The following ACOXL variants were observed in gnomAD, a reference collection of about 807,000 sequenced individuals.
The protein encoded by ACOXL is acyl-CoA oxidase like.
ACOXL carries 70 observed loss-of-function variants against 71.9 expected under a neutral mutation model. The ratio of observed to expected loss-of-function variants is 0.97; its 90% confidence interval spans 0.80 to 1.19. The LOEUF (loss-of-function observed/expected upper bound fraction) is 1.19, where lower values mean the gene tolerates loss of function less well. ACOXL is among the 50% of genes most tolerant of loss of function. ACOXL has a pLI of 0.00. For synonymous variants in ACOXL, 253 were observed against 281.6 expected (o/e 0.90, Z 1.02); for missense variants, 703 against 736.3 (o/e 0.95, Z 0.52).
chr2:110,788,314 T>C (rs1684238928), intron 3 of ACOXL, among the ~76,000 whole-genome samples: 1 of 152,172 alleles, frequency 6.6e-6, no homozygotes, highest in Non-Finnish European at 1.5e-5. Context: ...CCACAAAAAA[T>C]AGTGAAGTTC....
chr2:110,853,288 T>C (rs1692837970), intron 10 of ACOXL, among the ~76,000 whole-genome samples: 1 of 152,188 alleles, frequency 6.6e-6, no homozygotes, highest in South Asian at 2.1e-4. Context: ...CCAAAATGCT[T>C]GGTTCGGCTG....
intron 10 of ACOXL, among the ~76,000 whole-genome samples, chr2:110,885,778 G>A (rs10175204): frequency 0.32 from 48,989 of 151,976 alleles, 8,154 homozygotes; most frequent in Middle Eastern, 0.4. Flanking sequence ...CAAAAAACTT[G>A]GGTTGTCTGT....
intron 10 of ACOXL, among the ~76,000 whole-genome samples, chr2:110,871,801 A>C (rs1184274319): frequency 1.3e-5 from 2 of 152,174 alleles, no homozygotes. Flanking sequence ...TTTGGAGACC[A>C]ACACTCATAG....
At chr2:110,987,881 A>G (rs1298147348) in intron 13 of ACOXL, among the ~76,000 whole-genome samples, 1 of 152,138 alleles carries the variant, frequency 6.6e-6, no homozygotes, top group Non-Finnish European at 1.5e-5. Context: ...GATATTTTGC[A>G]TGATGCTGTT....
chr2:111,056,396 A>AC (rs2066540275), intron 16 of ACOXL, among the ~76,000 whole-genome samples: 1 of 151,684 alleles, frequency 6.6e-6, no homozygotes, highest in Non-Finnish European at 1.5e-5. Context: ...GCTCAAACCA[A>AC]CCCCCCAAAT....
chr2:110,773,714 C>T (rs1682269933), intron 2 of ACOXL, among the ~76,000 whole-genome samples: 1 of 152,218 alleles, frequency 6.6e-6, no homozygotes, highest in Admixed American at 6.5e-5. Context: ...GCTCTTAGTC[C>T]TATATACTGT....
intron 15 of ACOXL, among the ~76,000 whole-genome samples, chr2:111,045,935 C>T (rs771511050): frequency 1.1e-4 from 17 of 152,174 alleles, no homozygotes; most frequent in Non-Finnish European, 2.2e-4. Context: ...TTCCACAAAA[C>T]GGGGTCATGG....
intron 13 of ACOXL, among the ~76,000 whole-genome samples, chr2:110,993,203 C>G (rs1220217634): frequency 6.6e-6 from 1 of 152,242 alleles, no homozygotes; most frequent in Non-Finnish European, 1.5e-5. Flanking sequence ...TGTACATTCA[C>G]TGAGTTTTGA....
intron 10 of ACOXL, among the ~76,000 whole-genome samples, chr2:110,904,694 G>A (rs1004115557): frequency 6.6e-6 from 1 of 152,208 alleles, no homozygotes; most frequent in Non-Finnish European, 1.5e-5. Flanking sequence ...CAATAGCATT[G>A]GTTAGAAGGG....
chr2:111,040,643 G>C (rs2065737047), intron 15 of ACOXL, among the ~76,000 whole-genome samples: 1 of 152,196 alleles, frequency 6.6e-6, no homozygotes, highest in African/African-American at 2.4e-5. Context: ...AGGGGGTGCA[G>C]GGTCCACGCG....
At chr2:110,841,007 A>G (rs1356251661) in intron 9 of ACOXL, among the ~76,000 whole-genome samples, 1 of 152,074 alleles carries the variant, frequency 6.6e-6, no homozygotes, top group Non-Finnish European at 1.5e-5. Context: ...AATCAGCTAC[A>G]TGCGTGTTCT....
At chr2:110,840,093 C>T (rs1020474880) in intron 9 of ACOXL, among the ~76,000 whole-genome samples, 5 of 152,084 alleles carry the variant, frequency 3.3e-5, no homozygotes, top group East Asian at 3.9e-4. Flanking sequence ...CAGGTTCAAT[C>T]GATTCTCCTG....
intron 10 of ACOXL, chr2:110,887,986 G>T (rs910370547): frequency 6.6e-6 from 1 of 152,198 alleles, no homozygotes; most frequent in Non-Finnish European, 1.5e-5. Flanking sequence ...TGAGTAATTT[G>T]AATAAATAAA....
At chr2:111,070,339 C>T (rs2067282939) in intron 16 of ACOXL, among the ~76,000 whole-genome samples, 1 of 152,108 alleles carries the variant, frequency 6.6e-6, no homozygotes, top group South Asian at 2.1e-4. Flanking sequence ...AAAGAATGAG[C>T]TCGTGTCTTT....
chr2:110,907,136 C>T (rs2059480752), intron 10 of ACOXL, among the ~76,000 whole-genome samples: 1 of 152,194 alleles, frequency 6.6e-6, no homozygotes, highest in Non-Finnish European at 1.5e-5. Flanking sequence ...AAGGCACTGA[C>T]AGGTCTGGTG....
At chr2:110,747,764 T>A (rs1443314284) in intron 1 of ACOXL, among the ~76,000 whole-genome samples, 2 of 152,162 alleles carry the variant, frequency 1.3e-5, no homozygotes, top group African/African-American at 4.8e-5. Context: ...GTTTTTTTTA[T>A]GGCTTGTGTT....
rs1683770471 is a variant in ACOXL, at chr2:110,784,902, C to T, written c.159+87C>T. ...AAAACTATAACCCCGTGAGCTCTCT[C>T]AGTCTATGTAGTGGCACAGGTGTTG... is the stretch of plus-strand genomic sequence containing the variant. On this transcript the variant is annotated intron_variant, in intron 3 of 17. Transcript: ENST00000439055. 7.8e-6 allele frequency: 10 copies of T among 1,279,416 alleles called. No homozygotes were observed. The South Asian group carries it at 1.4e-4, about 17-fold the overall frequency. 79.3% of individuals were successfully genotyped at this position (1,279,416 alleles called of 1,614,324 possible).
At chr2:110,799,164 G>A in intron 7 of ACOXL, 64 bp downstream of exon 7, 1 of 1,501,262 alleles carries the variant, frequency 6.7e-7, no homozygotes, top group African/African-American at 1.4e-5. Context: ...CTGACTCAAG[G>A]AGAATCTAAC....
intron 10 of ACOXL, among the ~76,000 whole-genome samples, chr2:110,846,043 G>A (rs535974333): frequency 6.6e-6 from 1 of 152,096 alleles, no homozygotes; most frequent in East Asian, 1.9e-4. Context: ...TCCTTGTCAT[G>A]TTGACCCCAA....
Sources: gnomAD v4.1 joint callset for allele counts (sites outside exome capture counted in the v4.1 genomes callset) on GRCh38, gnomAD v4.1.1 for gene constraint, MANE v1.5 for transcripts, NCBI Gene and HGNC (gene_info 2026-07-23, HGNC 2026-07-21) for gene names.